INF2: variants seen among roughly 807,000 people sequenced by gnomAD.
INF2 encodes the protein inverted formin-2.
A neutral mutation model predicts 123.5 loss-of-function variants in INF2; 43 were observed. The observed-to-expected ratio is 0.35, with a 90% CI of 0.27 to 0.45. The LOEUF (loss-of-function observed/expected upper bound fraction) is 0.45, where lower values mean the gene tolerates loss of function less well. INF2 is among the 20% of genes least tolerant of loss of function. The pLI is 1.00. For missense variants in INF2, 1,453 were observed against 1,682.7 expected, an observed-to-expected ratio of 0.86 and a Z score of 2.39; for synonymous variants, 851 against 745.0, an observed-to-expected ratio of 1.14 and a Z score of -2.32.
At chr14:104,701,840 TG>T in intron 2 of INF2, 84 bp downstream of exon 2, 9 of 1,387,550 alleles carry the variant, frequency 6.5e-6, no homozygotes, top group Non-Finnish European at 8.5e-6. Flanking sequence ...CCGGGAGGCC[TG>T]GGGAACCACC....
intron 7 of INF2, 63 bp downstream of exon 7, chr14:104,707,114 TG>T (rs370970975): frequency 6.4e-4 from 890 of 1,387,512 alleles, no homozygotes; most frequent in Admixed American, 1.1e-3. Flanking sequence ...TCTTAGACCA[TG>T]GGGGGGGGAG....
intron 1 of INF2, chr14:104,683,992 T>C (rs1240844356): frequency 4.4e-6 from 2 of 454,874 alleles, no homozygotes; most frequent in Admixed American, 2.4e-5. Context: ...GGAGCCCATC[T>C]GGTGCTCCCT....
At chr14:104,716,914 A>T (rs1890323738) in intron 22 of INF2, among the ~76,000 whole-genome samples, 1 of 151,878 alleles carries the variant, frequency 6.6e-6, no homozygotes, top group East Asian at 1.9e-4. Flanking sequence ...CTGGTCTCGA[A>T]CTCCTGACCT....
In INF2 at chr14:104,716,587, C is replaced by T. The variant is rs183371712; in HGVS notation, c.*1+1247C>T. ...TGCCAGCTCCACGCTCCACCTGGTT[C>T]CCTCCTGAACCTGCTACACGTGCTT... On this transcript the variant is annotated intron_variant, in intron 22 of 22. Transcript: ENST00000392634. Among the ~76,000 whole-genome samples, 273 of 152,358 alleles carry T rather than the reference C, an allele frequency of 1.8e-3. 1 individual carries two copies. Among genetic ancestry groups the T allele is most frequent in the African/African-American group, 5.8e-3 (241 of 41,580 alleles).
rs768141069 is a variant in INF2 at position 104,684,104 on chromosome 14, C to T, written c.-104+2522C>T. ...TTAAGCAAAAGATGGCACGGACCCCCGACATAAGACAGTTCAAAGCTGAGC... is the reference window on the plus strand; with the variant it reads ...TTAAGCAAAAGATGGCACGGACCCCTGACATAAGACAGTTCAAAGCTGAGC... On this transcript the variant is annotated intron_variant, in intron 1 of 2. Coordinates refer to the INF2 transcript ENST00000674723. The surrounding 1 kb of genome is among the most constrained non-coding windows in gnomAD (Gnocchi z 5.0). 4.4e-5 allele frequency: 20 copies of T among 456,036 alleles called. No individual in the cohort carries two copies. The highest frequency in any genetic ancestry group is 2.6e-4 in the South Asian group (17 of 64,560). 28.2% of individuals were successfully genotyped at this position (456,036 alleles called of 1,614,324 possible). A position where few individuals can be genotyped will look rare whatever the true frequency, so the allele number is the denominator to read the frequency against.
chr14:104,713,921 G>C (rs890934078), intron 20 of INF2, among the ~76,000 whole-genome samples: 3 of 152,260 alleles, frequency 2.0e-5, no homozygotes, highest in African/African-American at 7.2e-5. Context: ...GGGTGCTAGA[G>C]GTGGCAGGAA....
At chr14:104,698,717 C>T (rs370356331) in intron 1 of INF2, among the ~76,000 whole-genome samples, 12 of 152,304 alleles carry the variant, frequency 7.9e-5, no homozygotes, top group East Asian at 7.7e-4. Flanking sequence ...GAACATTCTC[C>T]GGTGTAGAGC....
chr14:104,706,015 AC>A lies in INF2; in HGVS notation c.702-18del, dbSNP rs770536991. 5.0e-6 allele frequency: 8 copies of A among 1,605,474 alleles called. 1 individual carries two copies. In the African/African-American group the frequency reaches 1.1e-4, roughly 21 times the overall value. On this transcript the variant is annotated intron_variant, in intron 5 of 22. Transcript: ENST00000392634. The stretch of plus-strand genomic sequence containing the variant: ...GTGGTGGCAGCAGCAGGCTTAGCCC[AC>A]CTGGCCCCTCCTGCACAGAGACCTG...
chr14:104,682,480 C>A (rs1283745836), intron 1 of INF2, among the ~76,000 whole-genome samples: 1 of 152,152 alleles, frequency 6.6e-6, no homozygotes, highest in African/African-American at 2.4e-5. Flanking sequence ...CGGGGCAGGG[C>A]CAGGAGGCGG....
intron 1 of INF2, among the ~76,000 whole-genome samples, chr14:104,682,203 C>T (rs541810583): frequency 2.1e-4 from 32 of 152,178 alleles, no homozygotes; most frequent in South Asian, 1.7e-3. Flanking sequence ...CTGTGCCGGG[C>T]GCTCAGGAAG....
At chr14:104,711,776 C>A in intron 16 of INF2, 77 bp downstream of exon 16, 1 of 1,374,848 alleles carries the variant, frequency 7.3e-7, no homozygotes, top group Non-Finnish European at 1.0e-6. Context: ...GAGGTGGCTG[C>A]CCGCCAGGGC....
upstream of INF2, among the ~76,000 whole-genome samples, chr14:104,685,296 C>T (rs766270641): frequency 3.3e-5 from 5 of 152,172 alleles, no homozygotes; most frequent in Non-Finnish European, 7.3e-5. Flanking sequence ...TGACCAATGT[C>T]TACCTCCTGC....
chr14:104,703,019 C>A, intron 2 of INF2, 86 bp from the exon 3 acceptor site: 1 of 1,134,152 alleles, frequency 8.8e-7, no homozygotes, highest in Non-Finnish European at 1.3e-6. Flanking sequence ...GCCTGCCAGG[C>A]CCAGAGCCCC....
intron 1 of INF2, among the ~76,000 whole-genome samples, chr14:104,692,271 G>T (rs1888989033): frequency 6.6e-6 from 1 of 152,250 alleles, no homozygotes; most frequent in South Asian, 2.1e-4. Context: ...CACAGGTGAG[G>T]CGCGGGACAG....
rs752848206 is a variant in INF2 at position 104,707,064 on chromosome 14, G to C, written c.985+13G>C. On this transcript the variant is annotated intron_variant, in intron 7 of 22. Transcript: ENST00000392634. ...CTGGCCAGCGATGGTGAGGGGGCGG[G>C]GCAGGGGCGTAGGCACAGCCTGGTG... is the stretch of plus-strand genomic sequence containing the variant. The C allele has an allele frequency of 1.9e-6, 3 of 1,571,104 alleles. No homozygotes were observed. In the East Asian group the frequency reaches 6.9e-5, roughly 36 times the overall value.
upstream of INF2, among the ~76,000 whole-genome samples, chr14:104,688,742 G>A (rs1024619630): frequency 6.6e-6 from 1 of 152,178 alleles, no homozygotes; most frequent in African/African-American, 2.4e-5. Context: ...CCTCCCTCTA[G>A]CTGCCAGTGG....
chr14:104,703,872 G>A, intron 4 of INF2, 44 bp from the exon 5 acceptor site: 1 of 1,610,186 alleles, frequency 6.2e-7, no homozygotes, highest in Non-Finnish European at 8.5e-7. Context: ...GGGGAAGGCG[G>A]GGAGTGGCCT....
intron 1 of INF2, among the ~76,000 whole-genome samples, chr14:104,692,801 A>G (rs957133817): frequency 5.3e-5 from 8 of 152,374 alleles, no homozygotes; most frequent in Admixed American, 1.3e-4. Context: ...TGCCACGCCA[A>G]TGGCCAAGGG....
chr14:104,693,133 C>G (rs1435422341), intron 1 of INF2, among the ~76,000 whole-genome samples: 1 of 152,242 alleles, frequency 6.6e-6, no homozygotes, highest in African/African-American at 2.4e-5. Flanking sequence ...TGGGAAGATG[C>G]TGCCAAGGCC....
Sources: allele counts gnomAD v4.1 joint callset (sites outside exome capture counted in the v4.1 genomes callset), GRCh38; gene constraint gnomAD v4.1.1; non-coding constraint Gnocchi (gnomAD v3.1); transcripts MANE v1.5; gene names NCBI Gene and HGNC (gene_info 2026-07-23, HGNC 2026-07-21).